Variants in ARHGAP26 observed in about 807,000 individuals in gnomAD.
The protein encoded by ARHGAP26 is Rho GTPase activating protein 26.
In ARHGAP26, 38 loss-of-function variants were observed where a neutral mutation model predicts 104.8. That is an observed-to-expected ratio of 0.36 (90% confidence interval 0.28 to 0.48). The LOEUF (loss-of-function observed/expected upper bound fraction) is 0.48, where lower values mean the gene tolerates loss of function less well. Among genes scored for constraint, ARHGAP26 ranks in the 20% least tolerant of loss-of-function variants. ARHGAP26 has a pLI of 0.99. For synonymous variants in ARHGAP26, 341 were observed against 340.0 expected, an observed-to-expected ratio of 1.00 and a Z score of -0.03; for missense variants, 704 against 947.9, an observed-to-expected ratio of 0.74 and a Z score of 3.38.
Position 143,188,787 on chromosome 5 carries a change from A to G in ARHGAP26, c.1989-18411A>G, listed in dbSNP as rs577038819. Among the ~76,000 whole-genome samples the G allele has an allele frequency of 2.6e-5, 4 of 152,352 alleles. No homozygotes were observed. The South Asian group carries it at 6.2e-4, about 24-fold the overall frequency. On this transcript the variant is annotated intron_variant, in intron 20 of 22. Transcript: ENST00000645722. ...AATATACTGACAAAAAGTGAGTAGA[A>G]CTTTAGAACTGTTACATCTCAGGTA...
chr5:142,825,939 A>G (rs1018522260), intron 1 of ARHGAP26, among the ~76,000 whole-genome samples: 1 of 152,154 alleles, frequency 6.6e-6, no homozygotes, highest in East Asian at 1.9e-4. Flanking sequence ...TCTGCACATG[A>G]TGCATCTGGG....
At chr5:142,973,712 C>T (rs570380378) in intron 11 of ARHGAP26, among the ~76,000 whole-genome samples, 3 of 152,146 alleles carry the variant, frequency 2.0e-5, no homozygotes, top group Admixed American at 1.3e-4. Flanking sequence ...AGGTCTGTTA[C>T]ATACCTTAAG....
intron 17 of ARHGAP26, among the ~76,000 whole-genome samples, chr5:143,088,974 G>A (rs1164610204): frequency 6.6e-6 from 1 of 152,128 alleles, no homozygotes; most frequent in African/African-American, 2.4e-5. Flanking sequence ...GAGTTAGGGT[G>A]GAGTAGGTAA....
intron 14 of ARHGAP26, among the ~76,000 whole-genome samples, chr5:143,053,719 A>G (rs1785365107): frequency 6.6e-6 from 1 of 152,224 alleles, no homozygotes; most frequent in Admixed American, 6.5e-5. Context: ...GCTTAAAGCA[A>G]TTTTTTTAAA....
intron 18 of ARHGAP26, among the ~76,000 whole-genome samples, chr5:143,121,359 GGTTAT>G (rs1796113192): frequency 6.6e-6 from 1 of 152,184 alleles, no homozygotes; most frequent in African/African-American, 2.4e-5. Flanking sequence ...CAACAGCCAT[GGTTAT>G]GGTGGTGGCA....
chr5:143,166,183 C>T, intron 20 of ARHGAP26: 3 of 994,334 alleles, frequency 3.0e-6, no homozygotes, highest in South Asian at 1.9e-5. Context: ...TCTAGAACAA[C>T]CCCATGTACG....
intron 3 of ARHGAP26, among the ~76,000 whole-genome samples, chr5:142,877,109 A>G (rs1473258899): frequency 1.3e-5 from 2 of 152,214 alleles, no homozygotes; most frequent in African/African-American, 4.8e-5. Flanking sequence ...TGGTAAGGGA[A>G]CAATGACTGG....
At chr5:142,786,231 C>A (rs1181665831) in intron 1 of ARHGAP26, among the ~76,000 whole-genome samples, 1 of 151,890 alleles carries the variant, frequency 6.6e-6, no homozygotes, top group Non-Finnish European at 1.5e-5. Flanking sequence ...ATCCTCCTGC[C>A]TTGGCCTCCC....
intron 12 of ARHGAP26, among the ~76,000 whole-genome samples, chr5:143,020,184 G>A (rs185901595): frequency 1.2e-4 from 19 of 152,248 alleles, no homozygotes; most frequent in Admixed American, 1.2e-3. Flanking sequence ...CTGGCCTCAC[G>A]TGATCCTTCC....
intron 10 of ARHGAP26, among the ~76,000 whole-genome samples, chr5:142,929,389 G>A (rs1764393379): frequency 6.6e-6 from 1 of 152,178 alleles, no homozygotes; most frequent in Admixed American, 6.5e-5. Context: ...CATGGAAAGT[G>A]GAGGGTCGTT....
chr5:143,105,363 C>T (rs539533080), intron 17 of ARHGAP26, among the ~76,000 whole-genome samples: 178 of 147,964 alleles, frequency 1.2e-3, no homozygotes, highest in Middle Eastern at 3.5e-3. Context: ...GCAACAAGAG[C>T]GAAGCTCCAT....
intron 20 of ARHGAP26, among the ~76,000 whole-genome samples, chr5:143,197,982 C>G (rs1390505031): frequency 6.6e-6 from 1 of 152,154 alleles, no homozygotes; most frequent in Non-Finnish European, 1.5e-5. Context: ...CATCCAGTTC[C>G]CCACTCTCAA....
intron 17 of ARHGAP26, among the ~76,000 whole-genome samples, chr5:143,091,862 G>A (rs1276296966): frequency 2.0e-5 from 3 of 152,152 alleles, no homozygotes; most frequent in African/African-American, 4.8e-5. Flanking sequence ...TACAATGAAT[G>A]TTTCAAAACT....
chr5:142,876,126 GAT>G (rs780308556), intron 3 of ARHGAP26, among the ~76,000 whole-genome samples: 11 of 152,160 alleles, frequency 7.2e-5, no homozygotes, highest in Non-Finnish European at 1.0e-4. Context: ...ATATCCCTAA[GAT>G]ATGAGGAATG....
intron 17 of ARHGAP26, among the ~76,000 whole-genome samples, chr5:143,090,660 G>C (rs1791281991): frequency 6.6e-6 from 1 of 152,212 alleles, no homozygotes; most frequent in African/African-American, 2.4e-5. Flanking sequence ...ATAATAACCT[G>C]TGTAGAATTA....
chr5:142,999,166 T>G (rs1268148769), intron 11 of ARHGAP26, among the ~76,000 whole-genome samples: 3 of 152,194 alleles, frequency 2.0e-5, no homozygotes, highest in Non-Finnish European at 4.4e-5. Context: ...AGAGGTTTGA[T>G]CCGGGTCCCA....
chr5:142,843,824 A>G (rs1050834777), intron 1 of ARHGAP26, among the ~76,000 whole-genome samples: 7 of 152,070 alleles, frequency 4.6e-5, no homozygotes, highest in African/African-American at 1.7e-4. Context: ...AGAAGGTGAC[A>G]CTGTGATATG....
chr5:142,900,858 C>G, intron 6 of ARHGAP26, among the ~76,000 whole-genome samples: 1 of 152,072 alleles, frequency 6.6e-6, no homozygotes, highest in East Asian at 1.9e-4. Flanking sequence ...TCAGGGAGGT[C>G]AGAGTGGACC....
chr5:143,225,645 C>G lies in ARHGAP26; in HGVS notation c.*3199C>G, dbSNP rs1811600883. ...TCACTGCTTGGAAGCATGTCCCTCC[C>G]TCTTGAGTTGGCTCTGATTTGAAAT... is the stretch of plus-strand genomic sequence containing the variant. On this transcript the variant is annotated 3_prime_UTR_variant, in exon 23 of 23. Coordinates refer to ENST00000645722, the MANE Select transcript of ARHGAP26 (RefSeq NM_001135608.3). The G allele has an allele frequency of 4.5e-6, 1 of 221,204 alleles. No homozygotes were observed. The highest frequency in any genetic ancestry group is 9.1e-6 in the Non-Finnish European group (1 of 110,226). 13.7% of individuals were successfully genotyped at this position (221,204 alleles called of 1,614,324 possible).
Sources: gnomAD v4.1 joint callset for allele counts (sites outside exome capture counted in the v4.1 genomes callset) on GRCh38, gnomAD v4.1.1 for gene constraint, MANE v1.5 for transcripts, NCBI Gene and HGNC (gene_info 2026-07-23, HGNC 2026-07-21) for gene names.